LYG2: variants seen among roughly 807,000 people sequenced by gnomAD.
LYG2 encodes lysozyme g2.
In LYG2, 25 loss-of-function variants were observed where a neutral mutation model predicts 22.4. The ratio of observed to expected loss-of-function variants is 1.12; its 90% CI spans 0.81 to 1.56. LYG2 has a LOEUF of 1.56. Ranked by LOEUF, LYG2 falls within the 40% of genes most tolerant of loss-of-function variation. The probability of loss-of-function intolerance (pLI) is 0.00; values close to 1 mark genes in which losing one functional copy is unlikely to be tolerated. For missense variants in LYG2, 266 were observed against 269.5 expected (o/e 0.99, Z 0.09); for synonymous variants, 88 against 97.0 (o/e 0.91, Z 0.55).
chr2:99,242,541 G>A, intron 6 of LYG2, 59 bp from the exon 7 acceptor site: 1 of 1,184,022 alleles, frequency 8.4e-7, no homozygotes, highest in Non-Finnish European at 1.2e-6. Context: ...AATAAGCAAT[G>A]AGCATTGCCA....
In LYG2 at chr2:99,253,987, G is replaced by T. The variant is rs567214127; in HGVS notation, c.43+231C>A. Among the ~76,000 whole-genome samples, 19 of 152,260 alleles carry T rather than the reference G, an allele frequency of 1.2e-4. No homozygotes were observed. The South Asian group carries it at 3.7e-3, about 30-fold the overall frequency. On this transcript the variant is annotated intron_variant, in intron 3 of 6. Transcript: ENST00000333017. ...TGCATTGTCAGACAGGAAGTAAGCAGATCAATAAATATTAGATTATTTGAA... is the reference window on the plus strand; with the variant it reads ...TGCATTGTCAGACAGGAAGTAAGCATATCAATAAATATTAGATTATTTGAA...
chr2:99,243,758 A>G (rs1048985726), intron 6 of LYG2: 35 of 564,446 alleles, frequency 6.2e-5, no homozygotes, highest in Non-Finnish European at 9.8e-5. Flanking sequence ...GTATCACTCA[A>G]TAGCTCAGTA....
At chr2:99,250,320 CAAAAG>C (rs1007323460) in intron 3 of LYG2, among the ~76,000 whole-genome samples, 4 of 149,850 alleles carry the variant, frequency 2.7e-5, no homozygotes, top group African/African-American at 9.8e-5. Flanking sequence ...AAACCACACT[CAAAAG>C]AAGAGAAAGG....
Position 99,245,242 on chromosome 2 carries a change from G to GAAAGTT in LYG2, c.381+14_381+19dup. ...GAGGAGGGATGCAGTGGGGCTGATA[G>GAAAGTT]AAAGTTTCTAGCTAAATACCTGCAT... is the stretch of plus-strand genomic sequence containing the variant. On this transcript the variant is annotated intron_variant, in intron 5 of 6. Transcript: ENST00000333017. 6.4e-7 allele frequency: 1 copy of GAAAGTT among 1,566,450 alleles called. No individual in the cohort carries two copies.
chr2:99,246,766 G>A lies in LYG2; in HGVS notation c.98C>T (p.Pro33Leu). 3 of 1,614,144 alleles carry A rather than the reference G, an allele frequency of 1.9e-6. No individual in the cohort carries two copies. In the South Asian group the frequency reaches 3.3e-5, roughly 18 times the overall value. ...CCCATAGCAGCCGTGGTACAGGCGT[G>A]GATGTAGGTGAGGCTTCATTGAGTG... ...FSHSMKPHLH[P>L]RLYHGCYGDI... Residue 33 changes from proline to leucine, a missense_variant, in exon 4 of 7, where the codon CCA becomes CTA. By Grantham distance (98) the Pro-to-Leu change is moderately conservative. Transcript: ENST00000333017.
chr2:99,243,171 T>C (rs771532693), intron 6 of LYG2, among the ~76,000 whole-genome samples: 1 of 151,938 alleles, frequency 6.6e-6, no homozygotes, highest in African/African-American at 2.4e-5. Flanking sequence ...ATTGATGTGG[T>C]TGGGTGTGAA....
At chr2:99,243,694 T>G (rs916256311) in intron 6 of LYG2, 6 of 99,774 alleles carry the variant, frequency 6.0e-5, no homozygotes, top group Non-Finnish European at 1.3e-4. Flanking sequence ...CATGCCCAGC[T>G]TTTTTTTTTT....
In LYG2 at chr2:99,244,021, C is replaced by T; in HGVS notation, c.498G>A (p.Trp166Ter). ...TACCTTTGAGGTGCTGAGCAACACT[C>T]CACGTGGGGAATTTTTTCTGGATTG... The part of the protein sequence containing the change: ...IKAIQKKFPT[W>*]SVAQHLKGGL... Residue 166 changes from tryptophan to a stop codon, truncating the protein, a stop_gained, in exon 6 of 7, where the codon TGG becomes TGA. Transcript: ENST00000333017. LOFTEE classifies it high-confidence loss of function. 1 of 1,614,080 alleles carries T rather than the reference C, an allele frequency of 6.2e-7. No individual in the cohort carries two copies.
At chr2:99,247,611 T>C (rs1485116371) in intron 3 of LYG2, among the ~76,000 whole-genome samples, 1 of 152,134 alleles carries the variant, frequency 6.6e-6, no homozygotes, top group Non-Finnish European at 1.5e-5. Context: ...CTCCTTCCTT[T>C]TACAGTCCCC....
chr2:99,253,270 AAG>A (rs2094030525), intron 3 of LYG2, among the ~76,000 whole-genome samples: 1 of 152,140 alleles, frequency 6.6e-6, no homozygotes, highest in Non-Finnish European at 1.5e-5. Context: ...TTTTTAAATT[AAG>A]AGTCACCTTT....
intron 6 of LYG2, among the ~76,000 whole-genome samples, chr2:99,242,904 A>G (rs2094008974): frequency 6.6e-6 from 1 of 152,232 alleles, no homozygotes; most frequent in Admixed American, 6.5e-5. Context: ...ACTGACTGCA[A>G]GGTACCCAAG....
chr2:99,253,536 G>A (rs2094030917), intron 3 of LYG2, among the ~76,000 whole-genome samples: 2 of 151,850 alleles, frequency 1.3e-5, no homozygotes. Flanking sequence ...TTTTCATTTT[G>A]CTTAGGTCAG....
chr2:99,247,870 C>CA (rs2094019042), intron 3 of LYG2, among the ~76,000 whole-genome samples: 2 of 151,732 alleles, frequency 1.3e-5, no homozygotes, highest in Non-Finnish European at 2.9e-5. Flanking sequence ...ACAATGAACT[C>CA]AAACAAATTT....
chr2:99,252,591 G>T (rs1360455101), intron 3 of LYG2, among the ~76,000 whole-genome samples: 3 of 152,174 alleles, frequency 2.0e-5, no homozygotes, highest in Admixed American at 2.0e-4. Context: ...ATAGTTGGAT[G>T]GATGAAGGAA....
Position 99,250,358 on chromosome 2 carries a change from C to G in LYG2, c.44-3538G>C, listed in dbSNP as rs77159971. ...AGGCCACATTAAAACATCATTATAA[C>G]AGCATTTTCCAACTCTTTTTTTTTT... On this transcript the variant is annotated intron_variant, in intron 3 of 6. Coordinates refer to ENST00000333017, the MANE Select transcript of LYG2 (RefSeq NM_175735.4). Among the ~76,000 whole-genome samples, 125 of 150,686 alleles carry G rather than the reference C, an allele frequency of 8.3e-4. No individual in the cohort carries two copies. The East Asian group carries it at 0.024, about 28-fold the overall frequency.
chr2:99,258,039 AG>A (rs1277280240), upstream of LYG2, among the ~76,000 whole-genome samples: 6 of 152,166 alleles, frequency 3.9e-5, no homozygotes, highest in East Asian at 1.2e-3. Flanking sequence ...CCAGCACCTC[AG>A]GCTCCCTTGG....
chr2:99,253,912 T>C (rs1220089522), intron 3 of LYG2, among the ~76,000 whole-genome samples: 3 of 152,052 alleles, frequency 2.0e-5, no homozygotes, highest in Admixed American at 6.6e-5. Context: ...GTGTTTTGCT[T>C]CCAAGGCACT....
In LYG2 at chr2:99,244,102, C is replaced by T. The variant is rs767912237; in HGVS notation, c.417G>A (p.Trp139Ter). The T allele has an allele frequency of 8.1e-6, 13 of 1,613,870 alleles. No individual in the cohort carries two copies. In the Admixed American group the frequency reaches 2.0e-4, roughly 25 times the overall value. ...CCTGTGAAAGGTGCTCTTTGCTATC[C>T]CAGGCACCGACAGGGTGGTACGTTT... is the stretch of plus-strand genomic sequence containing the variant. ...DKQTYHPVGAWDSKEHLSQAT... is the reference protein window; with the variant it reads ...DKQTYHPVGA The change falls in exon 6 of 7, where the codon TGG becomes TGA. Residue 139 changes from tryptophan to a stop codon, truncating the protein, a stop_gained. Coordinates refer to ENST00000333017, the MANE Select transcript of LYG2 (RefSeq NM_175735.4). LOFTEE classifies it high-confidence loss of function.
chr2:99,255,500 T>C (rs1478232774), intron 1 of LYG2, among the ~76,000 whole-genome samples, 103 bp downstream of exon 1: 1 of 152,252 alleles, frequency 6.6e-6, no homozygotes, highest in Non-Finnish European at 1.5e-5. Flanking sequence ...ATATCTAAAA[T>C]TGTGCCAAAC....
Sources: allele counts gnomAD v4.1 joint callset (sites outside exome capture counted in the v4.1 genomes callset), GRCh38; gene constraint gnomAD v4.1.1; transcripts MANE v1.5; gene names NCBI Gene and HGNC (gene_info 2026-07-23, HGNC 2026-07-21).